PRPF6: variants seen among roughly 807,000 people sequenced by gnomAD.
The protein encoded by PRPF6 is pre-mRNA-processing factor 6.
Under a neutral mutation model 118.3 loss-of-function variants are expected in PRPF6, and 42 were observed. The observed-to-expected ratio is 0.35, with a 90% confidence interval of 0.28 to 0.46. The LOEUF (loss-of-function observed/expected upper bound fraction) is 0.46. PRPF6 is among the 20% of genes least tolerant of loss of function. The pLI is 1.00. For missense variants in PRPF6, 662 were observed against 1,255.7 expected (o/e 0.53, Z 7.15); for synonymous variants, 481 against 485.1 (o/e 0.99, Z 0.11).
rs759157430 is a variant in PRPF6, at chr20:64,029,500, G to A, written c.2546+9G>A. The A allele has an allele frequency of 1.2e-6, 2 of 1,612,120 alleles. No homozygotes were observed. The highest frequency in any genetic ancestry group is 3.3e-5 in the Admixed American group (2 of 60,006). On this transcript the variant is annotated intron_variant, in intron 19 of 20. Coordinates refer to ENST00000266079, the MANE Select transcript of PRPF6 (RefSeq NM_012469.4). The surrounding 1 kb of genome is among the most constrained non-coding windows in gnomAD (Gnocchi z 4.8). ...CTCCTGGCCGTGGCCAAGTGAGTGG[G>A]GCCCCCACAGGATTGCTGAACCTCG...
In PRPF6 at chr20:63,984,150, G is replaced by A. The variant is rs1373863001; in HGVS notation, c.241-757G>A. Among the ~76,000 whole-genome samples the A allele has an allele frequency of 2.0e-5, 3 of 152,258 alleles. No individual in the cohort carries two copies. The East Asian group carries it at 5.8e-4, about 29-fold the overall frequency. On this transcript the variant is annotated intron_variant, in intron 2 of 20. Transcript: ENST00000266079. ...AATTTTAGTTTTGAGGCCAGGTGCG[G>A]TAGCTCACACCTATAATCCTGGCAC...
intron 9 of PRPF6, among the ~76,000 whole-genome samples, chr20:64,008,462 C>G (rs1014515696): frequency 6.6e-6 from 1 of 151,830 alleles, no homozygotes; most frequent in Non-Finnish European, 1.5e-5. Context: ...CGTGGCAATG[C>G]AAGCAGCGTC....
chr20:64,008,172 C>A (rs376995895), intron 9 of PRPF6, among the ~76,000 whole-genome samples: 19 of 152,324 alleles, frequency 1.2e-4, no homozygotes, highest in African/African-American at 4.6e-4. Context: ...GCATGCATAA[C>A]CACATGCACA....
At position 64,028,497 on chromosome 20, in the gene PRPF6, G is replaced by A; in HGVS notation, c.2359G>A (p.Glu787Lys). ...PGLWLESVRLEYRAGLKNIAN... is the reference protein window; with the variant it reads ...PGLWLESVRLKYRAGLKNIAN... Reference sequence around the variant, plus strand: ...CCTCAGGTTGGAGTCCGTGCGGCTGGAGTACCGTGCGGGGCTGAAGAACAT... The same window carrying A: ...CCTCAGGTTGGAGTCCGTGCGGCTGAAGTACCGTGCGGGGCTGAAGAACAT... Residue 787 changes from glutamate (E) to lysine (K), a missense_variant, in exon 18 of 21, where the codon GAG (glutamate) becomes AAG (lysine). Around this residue, in one of 10 missense-constraint regions of PRPF6, gnomAD observed 244 missense variants for 383.7 expected, o/e 0.64. Transcript: ENST00000266079. The surrounding 1 kb of genome is among the most constrained non-coding windows in gnomAD (Gnocchi z 6.5). 6.2e-7 allele frequency: 1 copy of A among 1,613,908 alleles called. No individual in the cohort carries two copies. Among genetic ancestry groups the A allele is most frequent in the East Asian group, 2.2e-5 (1 of 44,882 alleles).
At chr20:64,012,839 TA>T (rs1422122121) in intron 11 of PRPF6, among the ~76,000 whole-genome samples, 1 of 142,448 alleles carries the variant, frequency 7.0e-6, no homozygotes, top group African/African-American at 2.7e-5. Context: ...ATGATACACC[TA>T]CGAGAGGAGG....
At chr20:64,021,337 G>T in intron 12 of PRPF6, among the ~76,000 whole-genome samples, 1 of 139,398 alleles carries the variant, frequency 7.2e-6, no homozygotes, top group Non-Finnish European at 1.5e-5. Flanking sequence ...AGCCACAGCC[G>T]TGTGTCTGTG....
At chr20:64,008,080 C>T (rs1405989679) in intron 9 of PRPF6, among the ~76,000 whole-genome samples, 1 of 152,120 alleles carries the variant, frequency 6.6e-6, no homozygotes, top group Non-Finnish European at 1.5e-5. Flanking sequence ...TGTACCTGGC[C>T]CGGCCTAATT....
chr20:64,011,271 T>C lies in PRPF6; in HGVS notation c.1306-14T>C. 6.2e-7 allele frequency: 1 copy of C among 1,613,690 alleles called. No homozygotes were observed. Among genetic ancestry groups the C allele is most frequent in the Non-Finnish European group, 8.5e-7 (1 of 1,179,778 alleles). The stretch of plus-strand genomic sequence containing the variant: ...ACAGTGTCCTCTCCTTTTTCTCGTG[T>C]CCTCTCCGCGTAGCTCTGGCTTGCT... On this transcript the variant is annotated splice_polypyrimidine_tract_variant and intron_variant, in intron 10 of 20. Coordinates refer to ENST00000266079, the MANE Select transcript of PRPF6 (RefSeq NM_012469.4). The surrounding 1 kb of genome is among the most constrained non-coding windows in gnomAD (Gnocchi z 6.7).
At chr20:63,991,503 T>C (rs918072805) in intron 3 of PRPF6, among the ~76,000 whole-genome samples, 3 of 151,960 alleles carry the variant, frequency 2.0e-5, no homozygotes, top group Admixed American at 6.6e-5. Flanking sequence ...TAAAAAGTAG[T>C]GTACTTGGCC....
At chr20:64,031,704 A>AAAC (rs1569227294) in intron 19 of PRPF6, among the ~76,000 whole-genome samples, 12 of 151,750 alleles carry the variant, frequency 7.9e-5, no homozygotes, top group African/African-American at 2.9e-4. Context: ...ACAAAAAAAA[A>AAAC]CCAATTTGGT....
At position 64,026,901 on chromosome 20, in the gene PRPF6, A is replaced by G; in HGVS notation, c.2029-81A>G. 1 of 1,412,048 alleles carries G rather than the reference A, an allele frequency of 7.1e-7. No individual in the cohort carries two copies. Among genetic ancestry groups the G allele is most frequent in the Non-Finnish European group, 1.0e-6 (1 of 997,986 alleles). 87.5% of individuals were successfully genotyped at this position (1,412,048 alleles called of 1,614,324 possible). A position where few individuals can be genotyped will look rare whatever the true frequency, so the allele number is the denominator to read the frequency against. On this transcript the variant is annotated intron_variant, in intron 15 of 20. Coordinates refer to ENST00000266079, the MANE Select transcript of PRPF6 (RefSeq NM_012469.4). The surrounding 1 kb of genome is among the most constrained non-coding windows in gnomAD (Gnocchi z 4.4). The stretch of plus-strand genomic sequence containing the variant: ...CAAAAGTACACACAGTACTGCAGGT[A>G]ACAGTGTTGAGGATGAGTGTACCAT...
At chr20:64,014,338 A>T (rs2123059741) in intron 11 of PRPF6, among the ~76,000 whole-genome samples, 1 of 152,240 alleles carries the variant, frequency 6.6e-6, no homozygotes, top group Middle Eastern at 3.4e-3. Context: ...AACCCATTGT[A>T]AGTTGAAAAT....
In PRPF6 at chr20:63,999,067, A is replaced by G. The variant is rs1184817190; in HGVS notation, c.794A>G (p.Gln265Arg). 1 of 1,613,840 alleles carries G rather than the reference A, an allele frequency of 6.2e-7. No individual in the cohort carries two copies. The highest frequency in any genetic ancestry group is 1.7e-5 in the Admixed American group (1 of 59,984). Residue 265 changes from glutamine (Q) to arginine (R), a missense_variant, in exon 7 of 21, where the codon CAG (glutamine) becomes CGG (arginine). Gln to Arg is a conservative substitution (Grantham distance 43). Coordinates refer to ENST00000266079, the MANE Select transcript of PRPF6 (RefSeq NM_012469.4). ...CAGGTGTCTGACTCCGTGAGTGGAC[A>G]GACCGTCGTTGACCCCAAAGGCTAC... ...LSQVSDSVSGQTVVDPKGYLT... is the reference protein window; with the variant it reads ...LSQVSDSVSGRTVVDPKGYLT...
At chr20:64,010,448 G>A (rs1162507291) in intron 10 of PRPF6, 130 bp downstream of exon 10, 4 of 810,570 alleles carry the variant, frequency 4.9e-6, no homozygotes, top group Non-Finnish European at 8.3e-6. Context: ...GGAGCAGAAG[G>A]CCCTGTGGAA....
chr20:64,009,082 A>G (rs1238446503), intron 9 of PRPF6, among the ~76,000 whole-genome samples: 3 of 151,144 alleles, frequency 2.0e-5, no homozygotes, highest in Non-Finnish European at 3.0e-5. Context: ...CAAGAGATCA[A>G]ACCATCCTAG....
At position 63,989,116 on chromosome 20, in the gene PRPF6, T is replaced by G. The variant is rs190288426; in HGVS notation, c.359+4091T>G. Among the ~76,000 whole-genome samples, 326 of 152,200 alleles carry G rather than the reference T, an allele frequency of 2.1e-3. 12 individuals are homozygous for G. In the South Asian group the frequency reaches 0.058, roughly 27 times the overall value. ...CTACAGTGAACTCATTCTTGACAAA[T>G]GTACCAGGAATATTTATTGGGGAAA... On this transcript the variant is annotated intron_variant, in intron 3 of 20. Coordinates refer to ENST00000266079, the MANE Select transcript of PRPF6 (RefSeq NM_012469.4).
Position 63,998,977 on chromosome 20 carries a change from G to A in PRPF6, c.772-68G>A. ...TCAGGGTTGTGGGAGGGGCACCAGG[G>A]ACCCTCTGAGAACTTTGTTTTGCAC... On this transcript the variant is annotated intron_variant, in intron 6 of 20. Transcript: ENST00000266079. 3.5e-6 allele frequency: 4 copies of A among 1,132,108 alleles called. 1 individual carries two copies. The highest frequency in any genetic ancestry group is 5.3e-6 in the Non-Finnish European group (4 of 751,570). 70.1% of individuals were successfully genotyped at this position (1,132,108 alleles called of 1,614,324 possible).
In PRPF6 at chr20:63,991,221, C is replaced by T. The variant is rs569295952; in HGVS notation, c.360-2186C>T. On this transcript the variant is annotated intron_variant, in intron 3 of 20. Coordinates refer to ENST00000266079, the MANE Select transcript of PRPF6 (RefSeq NM_012469.4). ...GGAGGACCACTTGAGTCTAGGAGTTCGAGACCAGCCTGGGCAACATGGTGA... is the reference window on the plus strand; with the variant it reads ...GGAGGACCACTTGAGTCTAGGAGTTTGAGACCAGCCTGGGCAACATGGTGA... Among the ~76,000 whole-genome samples, 5 of 152,044 alleles carry T rather than the reference C, an allele frequency of 3.3e-5. No individual in the cohort carries two copies. In the South Asian group the frequency reaches 8.3e-4, roughly 25 times the overall value.
intron 9 of PRPF6, among the ~76,000 whole-genome samples, chr20:64,004,199 C>A (rs149166302): frequency 6.6e-6 from 1 of 152,098 alleles, no homozygotes. Context: ...CGGGGGCCTT[C>A]GGGGAGTGTT....
Sources: gnomAD v4.1 joint callset for allele counts (sites outside exome capture counted in the v4.1 genomes callset) on GRCh38, gnomAD v4.1.1 for gene constraint, gnomAD v4.1.1 regional missense constraint, Gnocchi (gnomAD v3.1) non-coding constraint, MANE v1.5 for transcripts, NCBI Gene and HGNC (gene_info 2026-07-23, HGNC 2026-07-21) for gene names.